Variants in GJA5 observed in about 807,000 individuals in gnomAD.
The protein encoded by GJA5 is gap junction alpha-5 protein.
GJA5 carries 3 observed loss-of-function variants against 7.9 expected under a neutral mutation model. That is an observed-to-expected ratio of 0.38 (90% confidence interval 0.17 to 0.99). The LOEUF is 0.99. GJA5 is among the 50% of genes least tolerant of loss of function. The pLI is 0.38. For synonymous variants in GJA5, 193 were observed against 181.0 expected, an observed-to-expected ratio of 1.07 and a Z score of -0.53; for missense variants, 390 against 457.9, an observed-to-expected ratio of 0.85 and a Z score of 1.35.
In GJA5 at chr1:147,758,417, G is replaced by A. The variant is rs375882200; in HGVS notation, c.822C>T (p.Gly274=). 2 of 1,614,008 alleles carry A rather than the reference G, an allele frequency of 1.2e-6. No homozygotes were observed. Among genetic ancestry groups the A allele is most frequent in the Non-Finnish European group, 1.7e-6 (2 of 1,179,990 alleles). Residue 274 remains glycine, a synonymous_variant, in exon 2 of 2, where the codon GGC becomes GGT. Transcript: ENST00000579774. ...AGGGATTGAAGAATTTTCCCCCAGG[G>A]CCATTCTCCAGGCACTGATTAAAGT... ...PPDFNQCLEN[G]PGGKFFNPFS...
intron 1 of GJA5, among the ~76,000 whole-genome samples, chr1:147,767,900 G>A (rs1274921920): frequency 2.0e-5 from 3 of 152,212 alleles, no homozygotes; most frequent in Non-Finnish European, 4.4e-5. Context: ...AAGCAGGAAT[G>A]TTCATTGAGA....
intron 1 of GJA5, among the ~76,000 whole-genome samples, chr1:147,769,907 C>G (rs1232531433): frequency 1.3e-5 from 2 of 151,774 alleles, no homozygotes; most frequent in African/African-American, 4.8e-5. Flanking sequence ...CCACATGGCT[C>G]CATATTATAA....
At chr1:147,760,279 T>C (rs975824377) in intron 1 of GJA5, among the ~76,000 whole-genome samples, 3 of 152,232 alleles carry the variant, frequency 2.0e-5, no homozygotes, top group Non-Finnish European at 4.4e-5. Context: ...GGCCTTTGTC[T>C]GCTTTTCCAG....
At chr1:147,761,569 G>C (rs791275), upstream of GJA5, among the ~76,000 whole-genome samples, 82,410 of 152,110 alleles carry the variant, frequency 0.54, 22,474 homozygotes, top group Non-Finnish European at 0.59. Context: ...AAAGACCCAT[G>C]CAGGTCTTGA....
chr1:147,764,611 G>A (rs1288067453), upstream of GJA5, among the ~76,000 whole-genome samples: 2 of 152,052 alleles, frequency 1.3e-5, no homozygotes, highest in Non-Finnish European at 2.9e-5. Context: ...GATCATCTGA[G>A]GTCAGGAGTT....
intron 1 of GJA5, among the ~76,000 whole-genome samples, chr1:147,767,779 G>A (rs1297708175): frequency 6.6e-6 from 1 of 152,136 alleles, no homozygotes; most frequent in Non-Finnish European, 1.5e-5. Context: ...TCATCTGACA[G>A]CAGTGTCCCT....
chr1:147,766,736 T>A (rs1664218281), intron 1 of GJA5, among the ~76,000 whole-genome samples: 1 of 152,150 alleles, frequency 6.6e-6, no homozygotes, highest in Non-Finnish European at 1.5e-5. Flanking sequence ...ACGACACATG[T>A]TCTGGACAGT....
rs183877955 is a variant in GJA5, at chr1:147,771,302, G to A, written c.-34+1950C>T. ...AGAGACACTCAAGTGGAAGAATCAG[G>A]GAGACTCAGGGAGAGATGGAGGCTA... On this transcript the variant is annotated intron_variant, in intron 1 of 1. Transcript: ENST00000430508. Among the ~76,000 whole-genome samples, 73 of 152,216 alleles carry A rather than the reference G, an allele frequency of 4.8e-4. 1 individual carries two copies. In the East Asian group the frequency reaches 0.012, roughly 25 times the overall value.
At chr1:147,762,003 C>G (rs1373967054), upstream of GJA5, among the ~76,000 whole-genome samples, 1 of 152,226 alleles carries the variant, frequency 6.6e-6, no homozygotes, top group Admixed American at 6.5e-5. Context: ...CTGTGTTCCA[C>G]TTTCCTCACC....
upstream of GJA5, among the ~76,000 whole-genome samples, chr1:147,761,226 T>A (rs587720507): frequency 6.6e-6 from 1 of 152,286 alleles, no homozygotes; most frequent in East Asian, 1.9e-4. Flanking sequence ...GCATAAATAT[T>A]CCTTTCTTAG....
rs1663747314 is a variant in GJA5 at position 147,756,658 on chromosome 1, C to T, written c.*1504G>A. On this transcript the variant is annotated 3_prime_UTR_variant, in exon 2 of 2. Coordinates refer to ENST00000579774, the MANE Select transcript of GJA5 (RefSeq NM_181703.4). ...ACAAGTTTCTCTGTGGTTTCCTTTCCTTATTTCAGGACTCCCCAAGCCTTT... is the reference window on the plus strand; with the variant it reads ...ACAAGTTTCTCTGTGGTTTCCTTTCTTTATTTCAGGACTCCCCAAGCCTTT... 2 of 152,346 alleles carry T rather than the reference C, an allele frequency of 1.3e-5. No homozygotes were observed. Among genetic ancestry groups the T allele is most frequent in the South Asian group, 4.1e-4 (2 of 4,820 alleles). The allele number at this position is 152,346 out of a possible 1,614,324, so 9.4% of individuals were successfully genotyped here. A position where few individuals can be genotyped will look rare whatever the true frequency, so the allele number is the denominator to read the frequency against.
rs1553226734 is a variant in GJA5, at chr1:147,758,168, T to A, written c.1071A>T (p.Ser357=). The A allele has an allele frequency of 6.2e-7, 1 of 1,607,140 alleles. No individual in the cohort carries two copies. Among genetic ancestry groups the A allele is most frequent in the Admixed American group, 1.7e-5 (1 of 60,014 alleles). ...ATCCTCCCATAAAGGAGGGTCACAC[T>A]GATAGGTCATCTGACCTTGCCTTGC... The part of the protein sequence containing the change: ...ASSKARSDDL[S]V Residue 357 remains serine, a synonymous_variant, in exon 2 of 2, where the codon TCA becomes TCT. Transcript: ENST00000579774.
In GJA5 at chr1:147,757,792, G is replaced by C; in HGVS notation, c.*370C>G. ...ATCAGGTCAAGGAGGTAGGAACTTA[G>C]AGAACGCATTTGGTATGCTGCTGGT... On this transcript the variant is annotated 3_prime_UTR_variant, in exon 2 of 2. Transcript: ENST00000579774. 1 of 296,740 alleles carries C rather than the reference G, an allele frequency of 3.4e-6. No individual in the cohort carries two copies. Among genetic ancestry groups the C allele is most frequent in the East Asian group, 8.2e-5 (1 of 12,236 alleles). 18.4% of individuals were successfully genotyped at this position (296,740 alleles called of 1,614,324 possible). A position where few individuals can be genotyped will look rare whatever the true frequency, so the allele number is the denominator to read the frequency against.
intron 1 of GJA5, among the ~76,000 whole-genome samples, 182 bp from the exon 2 acceptor site, chr1:147,759,453 G>A (rs1553227145): frequency 2.0e-5 from 3 of 152,174 alleles, no homozygotes; most frequent in Admixed American, 6.5e-5. Context: ...AAAATAAAAA[G>A]AAAGAGAAGA....
upstream of GJA5, among the ~76,000 whole-genome samples, chr1:147,764,176 C>T (rs2047279): frequency 0.12 from 17,605 of 152,088 alleles, 2,622 homozygotes; most frequent in African/African-American, 0.34. Flanking sequence ...TTCAGAGCAA[C>T]CCAGATTAAT....
Position 147,758,030 on chromosome 1 carries a change from G to A in GJA5, c.*132C>T, listed in dbSNP as rs151235613. On this transcript the variant is annotated 3_prime_UTR_variant, in exon 2 of 2. Coordinates refer to ENST00000579774, the MANE Select transcript of GJA5 (RefSeq NM_181703.4). Reference sequence around the variant, plus strand: ...ATAGTTTCTAGAATTAATGAGCAACGTCATTGAGACCCGGGGCTCAAAGGA... The same window carrying A: ...ATAGTTTCTAGAATTAATGAGCAACATCATTGAGACCCGGGGCTCAAAGGA... 3.3e-5 allele frequency: 24 copies of A among 735,734 alleles called. No homozygotes were observed. The highest frequency in any genetic ancestry group is 1.7e-4 in the African/African-American group (10 of 57,566). 45.6% of individuals were successfully genotyped at this position (735,734 alleles called of 1,614,324 possible).
At chr1:147,769,522 G>C (rs1359385863) in intron 1 of GJA5, among the ~76,000 whole-genome samples, 1 of 152,134 alleles carries the variant, frequency 6.6e-6, no homozygotes, top group Non-Finnish European at 1.5e-5. Flanking sequence ...CTGGCATATA[G>C]GCACTCAATG....
chr1:147,772,709 G>T (rs908508150), intron 1 of GJA5, among the ~76,000 whole-genome samples: 6 of 148,532 alleles, frequency 4.0e-5, no homozygotes, highest in Admixed American at 2.0e-4. Flanking sequence ...CTCACATGTG[G>T]CCACTGCACA....
In GJA5 at chr1:147,757,877, G is replaced by A; in HGVS notation, c.*285C>T. 1 of 458,930 alleles carries A rather than the reference G, an allele frequency of 2.2e-6. No individual in the cohort carries two copies. The allele number at this position is 458,930 out of a possible 1,614,324, so 28.4% of individuals were successfully genotyped here. The stretch of plus-strand genomic sequence containing the variant: ...TCCCTTCCAGGCCAGCTTTTGCCAT[G>A]CTTCCCTTCTTTCCCTCTACCCTGT... On this transcript the variant is annotated 3_prime_UTR_variant, in exon 2 of 2. Coordinates refer to ENST00000579774, the MANE Select transcript of GJA5 (RefSeq NM_181703.4).
Sources: gnomAD v4.1 joint callset for allele counts (sites outside exome capture counted in the v4.1 genomes callset) on GRCh38, gnomAD v4.1.1 for gene constraint, MANE v1.5 for transcripts, NCBI Gene and HGNC (gene_info 2026-07-23, HGNC 2026-07-21) for gene names.